The following PLA2R1 variants were observed in gnomAD, a reference collection of about 807,000 sequenced individuals.
PLA2R1 encodes phospholipase A2 receptor 1.
PLA2R1 carries 158 observed loss-of-function variants against 195.9 expected under a neutral mutation model. The observed-to-expected ratio is 0.81, with a 90% CI of 0.71 to 0.92. PLA2R1 has a LOEUF of 0.92. PLA2R1 is among the 40% of genes least tolerant of loss of function. The pLI is 0.00. For synonymous variants in PLA2R1, 586 were observed against 598.2 expected, an observed-to-expected ratio of 0.98 and a Z score of 0.30; for missense variants, 1,626 against 1,764.6, an observed-to-expected ratio of 0.92 and a Z score of 1.41.
chr2:159,942,496 A>G lies in PLA2R1; in HGVS notation c.4145-337T>C, dbSNP rs970034780. ...GTTTTTTTTAAGCCAAGAAGTTTCT[A>G]TTCAGTCCCAGCACTGTGCTGCAAT... On this transcript the variant is annotated intron_variant, in intron 28 of 29. Coordinates refer to ENST00000283243, the MANE Select transcript of PLA2R1 (RefSeq NM_007366.5). Among the ~76,000 whole-genome samples the G allele has an allele frequency of 2.6e-5, 4 of 152,332 alleles. No homozygotes were observed. The South Asian group carries it at 8.3e-4, about 32-fold the overall frequency.
At chr2:159,965,128 C>T (rs899518240) in intron 20 of PLA2R1, among the ~76,000 whole-genome samples, 1 of 152,200 alleles carries the variant, frequency 6.6e-6, no homozygotes, top group African/African-American at 2.4e-5. Flanking sequence ...ACATCTGTTA[C>T]AATCGATGAA....
chr2:160,009,610 G>A (rs1199587776), intron 10 of PLA2R1, among the ~76,000 whole-genome samples: 1 of 152,118 alleles, frequency 6.6e-6, no homozygotes, highest in African/African-American at 2.4e-5. Context: ...GATGGATGAT[G>A]GTAGTGGGTG....
intron 3 of PLA2R1, among the ~76,000 whole-genome samples, chr2:160,034,687 C>T (rs969209960): frequency 6.6e-6 from 1 of 152,134 alleles, no homozygotes; most frequent in Non-Finnish European, 1.5e-5. Flanking sequence ...AATTCTAGCA[C>T]TTTGGGAGGC....
chr2:159,991,243 A>G (rs1308138507), intron 11 of PLA2R1, among the ~76,000 whole-genome samples: 3 of 152,140 alleles, frequency 2.0e-5, no homozygotes, highest in Admixed American at 2.0e-4. Flanking sequence ...ATCTACTGTC[A>G]CATTTTCACT....
chr2:159,956,676 T>A, intron 20 of PLA2R1, 49 bp from the exon 21 acceptor site: 2 of 1,132,188 alleles, frequency 1.8e-6, no homozygotes, highest in Non-Finnish European at 2.7e-6. Flanking sequence ...TCTTTCTAAG[T>A]GAATTAAAAA....
At chr2:160,025,588 C>CAAAAAAAAAAAAAAAAA (rs56365741) in intron 6 of PLA2R1, among the ~76,000 whole-genome samples, 8 of 52,866 alleles carry the variant, frequency 1.5e-4, no homozygotes, top group Admixed American at 2.8e-4. Context: ...AACCATAAAG[C>CAAAAAAAAAAAAAAAAA]AAAAAAAAAA....
chr2:159,963,369 C>T (rs914199581), intron 20 of PLA2R1, among the ~76,000 whole-genome samples: 18 of 151,994 alleles, frequency 1.2e-4, no homozygotes, highest in African/African-American at 3.6e-4. Context: ...GCACAAGTGA[C>T]GGAAGAAAAA....
chr2:159,977,184 T>G, intron 15 of PLA2R1, 100 bp downstream of exon 15: 1 of 866,994 alleles, frequency 1.2e-6, no homozygotes, highest in East Asian at 2.5e-5. Flanking sequence ...TATTTTATCA[T>G]GCAATTTGTT....
Position 159,970,291 on chromosome 2 carries a change from T to C in PLA2R1, c.2596-79A>G, listed in dbSNP as rs1031718058. ...TTAAGAGTAATGGGGTTGCTGCTAA[T>C]AGCTTTCTATTCTTCAGTATTTTAC... On this transcript the variant is annotated intron_variant, in intron 17 of 29. Transcript: ENST00000283243. 1.8e-5 allele frequency: 16 copies of C among 881,944 alleles called. No individual in the cohort carries two copies. In the African/African-American group the frequency reaches 2.0e-4, roughly 11 times the overall value. The allele number at this position is 881,944 out of a possible 1,614,324, so 54.6% of individuals were successfully genotyped here.
At chr2:159,981,225 G>A (rs1689929663) in intron 13 of PLA2R1, among the ~76,000 whole-genome samples, 2 of 151,658 alleles carry the variant, frequency 1.3e-5, no homozygotes, top group Non-Finnish European at 2.9e-5. Context: ...ACGTGTGTGT[G>A]TGTGTGTGTG....
At chr2:160,050,378 C>G (rs1473123008) in intron 1 of PLA2R1, among the ~76,000 whole-genome samples, 4 of 152,128 alleles carry the variant, frequency 2.6e-5, no homozygotes, top group Non-Finnish European at 4.4e-5. Flanking sequence ...ACCCATAAAC[C>G]CTGAACCGTG....
intron 15 of PLA2R1, 21 bp from the exon 16 acceptor site, chr2:159,976,741 A>T (rs1255207638): frequency 6.2e-7 from 1 of 1,602,988 alleles, no homozygotes; most frequent in Non-Finnish European, 8.5e-7. Context: ...AAAGCAAATC[A>T]CTTTGACTGA....
chr2:160,011,122 T>C (rs1692333714), intron 10 of PLA2R1, among the ~76,000 whole-genome samples: 1 of 152,210 alleles, frequency 6.6e-6, no homozygotes, highest in African/African-American at 2.4e-5. Flanking sequence ...CACAACATAG[T>C]CTTGTATCCA....
intron 11 of PLA2R1, among the ~76,000 whole-genome samples, chr2:160,004,495 T>G (rs1369603760): frequency 1.3e-5 from 2 of 152,194 alleles, no homozygotes; most frequent in Non-Finnish European, 2.9e-5. Flanking sequence ...TACCTCCCCC[T>G]GTGGCTTAGC....
At chr2:159,929,876 A>ATG (rs1686548550), downstream of PLA2R1, among the ~76,000 whole-genome samples, 1 of 151,462 alleles carries the variant, frequency 6.6e-6, no homozygotes, top group South Asian at 2.1e-4. Flanking sequence ...GTGTGTGTAT[A>ATG]TATATATATA....
chr2:159,949,672 G>A lies in PLA2R1; in HGVS notation c.3645C>T (p.Asn1215=), dbSNP rs149313808. The change falls in exon 25 of 30, where the codon AAC becomes AAT. Residue 1215 remains asparagine, a synonymous_variant. Transcript: ENST00000283243. ...LLGDCVFADS[N]GRWHSTACES... is the part of the protein sequence containing the mutation. ...CGCAGGCTGTGCTATGCCAGCGTCCGTTGCTGTCGGCAAAAACGCAGTCAC... is the reference window on the plus strand; with the variant it reads ...CGCAGGCTGTGCTATGCCAGCGTCCATTGCTGTCGGCAAAAACGCAGTCAC... 4.6e-4 allele frequency: 741 copies of A among 1,613,948 alleles called. No individual in the cohort carries two copies. The highest frequency in any genetic ancestry group is 9.9e-4 in the Middle Eastern group (6 of 6,056).
chr2:159,959,996 T>A (rs1688331918), intron 20 of PLA2R1, among the ~76,000 whole-genome samples: 2 of 152,196 alleles, frequency 1.3e-5, no homozygotes, highest in African/African-American at 2.4e-5. Flanking sequence ...AGTAACTTTT[T>A]AAAATTTGGT....
chr2:159,988,011 G>C (rs1690475191), intron 11 of PLA2R1, among the ~76,000 whole-genome samples: 1 of 152,090 alleles, frequency 6.6e-6, no homozygotes, highest in African/African-American at 2.4e-5. Context: ...TGGAAAATGT[G>C]ATATACTAGT....
intron 28 of PLA2R1, among the ~76,000 whole-genome samples, chr2:159,943,646 T>C (rs1057215198): frequency 4.6e-5 from 7 of 152,308 alleles, no homozygotes; most frequent in African/African-American, 1.7e-4. Context: ...ATTGCTCCAC[T>C]ACCTTGGAAA....
Sources: allele counts gnomAD v4.1 joint callset (sites outside exome capture counted in the v4.1 genomes callset), GRCh38; gene constraint gnomAD v4.1.1; transcripts MANE v1.5; gene names NCBI Gene and HGNC (gene_info 2026-07-23, HGNC 2026-07-21).